Variants in ENKUR observed in about 807,000 individuals in gnomAD.
The protein encoded by ENKUR is enkurin.
In ENKUR, 19 loss-of-function variants were observed where a neutral mutation model predicts 27.6. That is an observed-to-expected ratio of 0.69 (90% CI 0.48 to 1.01). The LOEUF (loss-of-function observed/expected upper bound fraction) is 1.01, where lower values mean the gene tolerates loss of function less well. Ranked by LOEUF, ENKUR falls within the 50% of genes least tolerant of loss-of-function variation. The pLI, the probability that ENKUR is intolerant of heterozygous loss-of-function variation, is 0.00. For synonymous variants in ENKUR, 117 were observed against 96.9 expected, an observed-to-expected ratio of 1.21 and a Z score of -1.22; for missense variants, 312 against 310.5, an observed-to-expected ratio of 1.00 and a Z score of -0.04.
At chr10:25,013,242 G>A (rs1320756235) in intron 1 of ENKUR, among the ~76,000 whole-genome samples, 1 of 152,160 alleles carries the variant, frequency 6.6e-6, no homozygotes, top group Non-Finnish European at 1.5e-5. Context: ...CGTGAGAACA[G>A]ACTAATATAC....
chr10:25,024,095 G>A (rs966451857), intron 2 of ENKUR: 1 of 1,614,186 alleles, frequency 6.2e-7, no homozygotes. Flanking sequence ...TACGTAGAAA[G>A]AGCACAGATA....
At chr10:25,026,488 T>TA (rs1327718256) in intron 2 of ENKUR, 64 of 167,222 alleles carry the variant, frequency 3.8e-4, no homozygotes, top group African/African-American at 1.5e-3. Flanking sequence ...AGTCAATTCT[T>TA]ACGTAATTTG....
chr10:25,042,389 G>A (rs565369630), intron 2 of ENKUR, among the ~76,000 whole-genome samples: 1 of 151,862 alleles, frequency 6.6e-6, no homozygotes, highest in Non-Finnish European at 1.5e-5. Context: ...CCGCCTCCCG[G>A]GTTCAAGCAA....
At chr10:25,012,837 T>C (rs993490364) in intron 1 of ENKUR, among the ~76,000 whole-genome samples, 4 of 152,108 alleles carry the variant, frequency 2.6e-5, no homozygotes, top group Admixed American at 2.6e-4. Flanking sequence ...AAGGTATGAT[T>C]GGTTTTGAAA....
chr10:25,055,216 A>T (rs1851240212), intron 2 of ENKUR, among the ~76,000 whole-genome samples: 1 of 151,802 alleles, frequency 6.6e-6, no homozygotes, highest in Admixed American at 6.6e-5. Flanking sequence ...CCCTCTTGTG[A>T]CTTCATTTCA....
At chr10:24,999,790 A>C (rs1024194120) in intron 1 of ENKUR, among the ~76,000 whole-genome samples, 8 of 152,130 alleles carry the variant, frequency 5.3e-5, no homozygotes, top group Non-Finnish European at 1.0e-4. Context: ...TATCCTTTGA[A>C]CATCTGTAGC....
chr10:25,057,930 AG>A (rs964763606), intron 2 of ENKUR, among the ~76,000 whole-genome samples: 1 of 151,570 alleles, frequency 6.6e-6, no homozygotes, highest in African/African-American at 2.4e-5. Context: ...GTGGTGCAAA[AG>A]TAATTTTATA....
chr10:25,046,480 G>A (rs1016988134), intron 2 of ENKUR, among the ~76,000 whole-genome samples: 8 of 151,976 alleles, frequency 5.3e-5, no homozygotes, highest in African/African-American at 1.5e-4. Flanking sequence ...CTTTCCATAC[G>A]CTTTAAAGAA....
intron 1 of ENKUR, among the ~76,000 whole-genome samples, chr10:25,010,380 TA>T (rs1456271254): frequency 2.0e-5 from 3 of 152,048 alleles, no homozygotes; most frequent in Admixed American, 2.0e-4. Context: ...GTGACTTGAG[TA>T]GTGTTAAAAG....
At chr10:24,996,860 A>C (rs111785197) in intron 2 of ENKUR, among the ~76,000 whole-genome samples, 11 of 152,332 alleles carry the variant, frequency 7.2e-5, no homozygotes, top group African/African-American at 2.6e-4. Context: ...CCAGTATCTC[A>C]GAATATAACT....
chr10:25,013,829 C>T (rs553158006), intron 1 of ENKUR, among the ~76,000 whole-genome samples: 1 of 152,084 alleles, frequency 6.6e-6, no homozygotes, highest in Non-Finnish European at 1.5e-5. Flanking sequence ...GTAATCCCAG[C>T]TACTCGGGAG....
chr10:25,025,328 C>G (rs747517143), intron 2 of ENKUR: 1 of 1,614,142 alleles, frequency 6.2e-7, no homozygotes, highest in East Asian at 2.2e-5. Flanking sequence ...AATGCATTAC[C>G]TCCACTGCAT....
At chr10:25,014,983 A>C (rs1850532619) in intron 1 of ENKUR, among the ~76,000 whole-genome samples, 1 of 152,196 alleles carries the variant, frequency 6.6e-6, no homozygotes, top group African/African-American at 2.4e-5. Context: ...TCACAAAGAC[A>C]ATTAATTGCT....
chr10:25,024,805 C>G (rs139395919), intron 2 of ENKUR: 9 of 1,613,956 alleles, frequency 5.6e-6, no homozygotes, highest in South Asian at 2.2e-5. Context: ...AATCCCGATT[C>G]GAAAATTTAT....
intron 2 of ENKUR, chr10:25,023,201 T>G: frequency 6.3e-7 from 1 of 1,586,470 alleles, no homozygotes; most frequent in Non-Finnish European, 8.6e-7. Context: ...TTAGGTTGGC[T>G]TGGGCAGAAA....
intron 3 of ENKUR, among the ~76,000 whole-genome samples, chr10:24,991,421 A>G (rs1849925682): frequency 6.6e-6 from 1 of 151,946 alleles, no homozygotes; most frequent in African/African-American, 2.4e-5. Flanking sequence ...AGACCCTAGC[A>G]GGCAGGCACA....
chr10:25,034,612 G>A (rs958541324), intron 2 of ENKUR, among the ~76,000 whole-genome samples: 3 of 152,054 alleles, frequency 2.0e-5, no homozygotes, highest in African/African-American at 4.8e-5. Flanking sequence ...GATTTTAAAC[G>A]TAATTGGTTG....
intron 1 of ENKUR, among the ~76,000 whole-genome samples, chr10:25,014,191 G>T (rs1310955995): frequency 2.6e-5 from 4 of 152,080 alleles, no homozygotes; most frequent in Non-Finnish European, 4.4e-5. Context: ...GGTTTTCAAT[G>T]ATAAATTTTA....
intron 1 of ENKUR, among the ~76,000 whole-genome samples, chr10:25,001,501 A>C (rs1042409763): frequency 6.6e-6 from 1 of 151,692 alleles, no homozygotes; most frequent in African/African-American, 2.4e-5. Context: ...CTCTTCCATG[A>C]TTCTTTGACT....
Sources: gnomAD v4.1 joint callset for allele counts (sites outside exome capture counted in the v4.1 genomes callset) on GRCh38, gnomAD v4.1.1 for gene constraint, MANE v1.5 for transcripts, NCBI Gene and HGNC (gene_info 2026-07-23, HGNC 2026-07-21) for gene names.